CCDC190: variants seen among roughly 807,000 people sequenced by gnomAD.
CCDC190 encodes coiled-coil domain-containing protein 190.
A neutral mutation model predicts 13.1 loss-of-function variants in CCDC190; 10 were observed. The ratio of observed to expected loss-of-function variants is 0.77; its 90% CI spans 0.47 to 1.30. The LOEUF is 1.30. CCDC190 is among the 50% of genes most tolerant of loss of function. The pLI is 0.00. For synonymous variants in CCDC190, 136 were observed against 127.2 expected (o/e 1.07, Z -0.47); for missense variants, 375 against 354.3 (o/e 1.06, Z -0.47).
upstream of CCDC190, among the ~76,000 whole-genome samples, chr1:162,865,950 C>T (rs968639008): frequency 6.6e-6 from 1 of 152,086 alleles, no homozygotes; most frequent in African/African-American, 2.4e-5. Flanking sequence ...TGTCTTTATT[C>T]ACAGATGACA....
rs1435111765 is a variant in CCDC190, at chr1:162,852,047, T to G, written c.*2718A>C. 6.6e-6 allele frequency: 1 copy of G among 152,194 alleles called. No individual in the cohort carries two copies. Among genetic ancestry groups the G allele is most frequent in the African/African-American group, 2.4e-5 (1 of 41,448 alleles). The allele number at this position is 152,194 out of a possible 1,614,324, so 9.4% of individuals were successfully genotyped here. On this transcript the variant is annotated 3_prime_UTR_variant, in exon 4 of 4. Transcript: ENST00000367912. ...TATCTGTAAAATGGCAGCAAGTATC[T>G]CCCTGATTTTCTGTCTCAGAAGGTT... is the stretch of plus-strand genomic sequence containing the variant.
At chr1:162,863,910 T>C (rs6660843), upstream of CCDC190, among the ~76,000 whole-genome samples, 121,817 of 151,118 alleles carry the variant, frequency 0.81, 51,319 homozygotes, top group Non-Finnish European at 0.94. Flanking sequence ...TCCCAGCTAC[T>C]CGGGAGGCTG....
upstream of CCDC190, among the ~76,000 whole-genome samples, chr1:162,864,829 G>A (rs1650643647): frequency 6.6e-6 from 1 of 151,866 alleles, no homozygotes; most frequent in Non-Finnish European, 1.5e-5. Flanking sequence ...TAGGAAAGAG[G>A]AAATAAAAGA....
Position 162,853,042 on chromosome 1 carries a change from CA to C in CCDC190, c.*1722del. ...GTTTTTGTGAATCAATCAGTTCTGTCACTTATGGCCTGCCTTCCTCTGTTGC... is the reference window on the plus strand; with the variant it reads ...GTTTTTGTGAATCAATCAGTTCTGTCCTTATGGCCTGCCTTCCTCTGTTGC... On this transcript the variant is annotated 3_prime_UTR_variant, in exon 4 of 4. Coordinates refer to ENST00000367912, the MANE Select transcript of CCDC190 (RefSeq NM_001394065.1). 1 of 1,347,178 alleles carries C rather than the reference CA, an allele frequency of 7.4e-7. No individual in the cohort carries two copies. Among genetic ancestry groups the C allele is most frequent in the Non-Finnish European group, 1.0e-6 (1 of 962,558 alleles). The allele number at this position is 1,347,178 out of a possible 1,614,324, so 83.5% of individuals were successfully genotyped here.
At chr1:162,860,011 A>G (rs1391664390) in intron 1 of CCDC190, among the ~76,000 whole-genome samples, 2 of 152,028 alleles carry the variant, frequency 1.3e-5, no homozygotes, top group South Asian at 2.1e-4. Context: ...TATTTACCCA[A>G]TAAGAAAAGC....
Position 162,854,686 on chromosome 1 carries a change from T to C in CCDC190, c.*79A>G, listed in dbSNP as rs148693034. On this transcript the variant is annotated 3_prime_UTR_variant, in exon 4 of 4. Coordinates refer to ENST00000367912, the MANE Select transcript of CCDC190 (RefSeq NM_001394065.1). ...AATTATGTTTGTTTGTTTTTCTCTG[T>C]ATTGCTTAATATAGTCATTTGAGGA... 152 of 1,499,644 alleles carry C rather than the reference T, an allele frequency of 1.0e-4. No homozygotes were observed. The East Asian group carries it at 2.3e-3, about 23-fold the overall frequency. The allele number at this position is 1,499,644 out of a possible 1,614,324, so 92.9% of individuals were successfully genotyped here. A position where few individuals can be genotyped will look rare whatever the true frequency, so the allele number is the denominator to read the frequency against.
At chr1:162,862,247 G>A (rs1650549240), upstream of CCDC190, among the ~76,000 whole-genome samples, 1 of 152,164 alleles carries the variant, frequency 6.6e-6, no homozygotes. Flanking sequence ...TCTTAGAAAA[G>A]CTTGGTTCCT....
chr1:162,857,156 T>C (rs1650331132), intron 2 of CCDC190, among the ~76,000 whole-genome samples: 1 of 152,182 alleles, frequency 6.6e-6, no homozygotes, highest in South Asian at 2.1e-4. Flanking sequence ...GTCTTAAAGC[T>C]CCGACAATTC....
At chr1:162,865,131 A>G, upstream of CCDC190, among the ~76,000 whole-genome samples, 1 of 152,186 alleles carries the variant, frequency 6.6e-6, no homozygotes, top group East Asian at 1.9e-4. Flanking sequence ...CAAATAAAAT[A>G]GTATTCAGAG....
chr1:162,867,784 G>C (rs1300735584), intron 1 of CCDC190, among the ~76,000 whole-genome samples: 2 of 152,134 alleles, frequency 1.3e-5, no homozygotes, highest in Admixed American at 1.3e-4. Context: ...ATGGGCAAAA[G>C]CATGAATGAA....
chr1:162,855,278 G>A lies in CCDC190; in HGVS notation c.393C>T (p.Asp131=). The change falls in exon 4 of 4, where the codon GAC becomes GAT. Residue 131 remains aspartate (D), a synonymous_variant. Transcript: ENST00000367912. Reference sequence around the variant, plus strand: ...GTGGCTGCTTTTTGCTCTTCATGGGGTCTTTGAGGCCAGCATCATGTGAAG... The same window carrying A: ...GTGGCTGCTTTTTGCTCTTCATGGGATCTTTGAGGCCAGCATCATGTGAAG... The part of the protein sequence containing the change: ...VPPSHDAGLK[D]PMKSKKQPLS... 6.2e-7 allele frequency: 1 copy of A among 1,613,818 alleles called. No homozygotes were observed. The highest frequency in any genetic ancestry group is 2.2e-5 in the East Asian group (1 of 44,892).
rs1650119834 is a variant in CCDC190, at chr1:162,851,903, A to G, written c.*2862T>C. 1 of 152,240 alleles carries G rather than the reference A, an allele frequency of 6.6e-6. No homozygotes were observed. The highest frequency in any genetic ancestry group is 2.1e-4 in the South Asian group (1 of 4,832). The allele number at this position is 152,240 out of a possible 1,614,324, so 9.4% of individuals were successfully genotyped here. Reference sequence around the variant, plus strand: ...AACGAGGGCAGGAGCCATCGGACACATGCCCTTCCCCATCTTCTTTGAGAG... The same window carrying G: ...AACGAGGGCAGGAGCCATCGGACACGTGCCCTTCCCCATCTTCTTTGAGAG... On this transcript the variant is annotated 3_prime_UTR_variant, in exon 4 of 4. Transcript: ENST00000367912.
rs1305766748 is a variant in CCDC190 at position 162,854,221 on chromosome 1, G to A, written c.*544C>T. On this transcript the variant is annotated 3_prime_UTR_variant, in exon 4 of 4. Transcript: ENST00000367912. The stretch of plus-strand genomic sequence containing the variant: ...ATTTGATATGAGCAGGTTGAAAGTG[G>A]GAGGGTGAAAACTAAAATGGAGCTA... 2 of 985,296 alleles carry A rather than the reference G, an allele frequency of 2.0e-6. No homozygotes were observed. The highest frequency in any genetic ancestry group is 2.3e-4 in the East Asian group (2 of 8,824). The allele number at this position is 985,296 out of a possible 1,614,324, so 61.0% of individuals were successfully genotyped here.
intron 1 of CCDC190, chr1:162,868,597 TCCCAAACGCACA>T (rs1650789926): frequency 3.1e-5 from 1 of 32,098 alleles, no homozygotes; most frequent in South Asian, 1.3e-3. Flanking sequence ...GACCCTCCTC[TCCCAAACGCACA>T]CCCCCACTGG....
Position 162,854,928 on chromosome 1 carries a change from A to C in CCDC190, c.743T>G (p.Leu248Trp). ...GEFTKPTFLE[L>W]LSKARNAHYL... ...ATGGGCATTTCTGGCCTTTGAAAGCAACTCTAAGAAGGTTGGCTTTGTGAA... is the reference window on the plus strand; with the variant it reads ...ATGGGCATTTCTGGCCTTTGAAAGCCACTCTAAGAAGGTTGGCTTTGTGAA... Residue 248 changes from leucine (L) to tryptophan (W), a missense_variant, in exon 4 of 4, where the codon TTG becomes TGG. Coordinates refer to ENST00000367912, the MANE Select transcript of CCDC190 (RefSeq NM_001394065.1). 1.9e-6 allele frequency: 3 copies of C among 1,614,036 alleles called. No individual in the cohort carries two copies. The highest frequency in any genetic ancestry group is 2.5e-6 in the Non-Finnish European group (3 of 1,179,896).
Position 162,855,083 on chromosome 1 carries a change from T to C in CCDC190, c.588A>G (p.Pro196=), listed in dbSNP as rs1650248023. The change falls in exon 4 of 4, where the codon CCA becomes CCG. Residue 196 remains proline, a synonymous_variant. Coordinates refer to ENST00000367912, the MANE Select transcript of CCDC190 (RefSeq NM_001394065.1). The stretch of plus-strand genomic sequence containing the variant: ...CACATGCCATTCCACTATCACTAGC[T>C]GGGCTGGAACTAGGACCTTGTTCTA... ...NTIEQGPSSS[P]ASDSGMACAD... is the part of the protein sequence containing the mutation. The C allele has an allele frequency of 1.9e-6, 3 of 1,614,020 alleles. No homozygotes were observed. The South Asian group carries it at 3.3e-5, about 18-fold the overall frequency.
upstream of CCDC190, among the ~76,000 whole-genome samples, chr1:162,864,369 G>A (rs767212431): frequency 2.0e-5 from 3 of 152,076 alleles, no homozygotes; most frequent in Admixed American, 6.5e-5. Flanking sequence ...TTCAAGAAAC[G>A]TTAAAGGTAA....
chr1:162,867,819 GA>G (rs1271818288), intron 1 of CCDC190, among the ~76,000 whole-genome samples: 1 of 152,190 alleles, frequency 6.6e-6, no homozygotes, highest in Non-Finnish European at 1.5e-5. Flanking sequence ...TGCTGGTAAA[GA>G]GGCTGGATAG....
upstream of CCDC190, among the ~76,000 whole-genome samples, chr1:162,865,825 A>G (rs1280169804): frequency 1.3e-5 from 2 of 152,168 alleles, no homozygotes; most frequent in African/African-American, 4.8e-5. Flanking sequence ...ATACCCCCAA[A>G]GAGTTAGAAC....
Sources: gnomAD v4.1 joint callset for allele counts (sites outside exome capture counted in the v4.1 genomes callset) on GRCh38, gnomAD v4.1.1 for gene constraint, MANE v1.5 for transcripts, NCBI Gene and HGNC (gene_info 2026-07-23, HGNC 2026-07-21) for gene names.